The following TMEM182 variants were observed in gnomAD, a reference collection of about 807,000 sequenced individuals.
TMEM182 encodes transmembrane protein 182.
Under a neutral mutation model 26.8 loss-of-function variants are expected in TMEM182, and 20 were observed. The observed-to-expected ratio is 0.75, with a 90% confidence interval of 0.53 to 1.09. The LOEUF (loss-of-function observed/expected upper bound fraction) is 1.09, where lower values mean the gene tolerates loss of function less well. Among genes scored for constraint, TMEM182 ranks in the 50% least tolerant of loss-of-function variants. The pLI is 0.00. For synonymous variants in TMEM182, 109 were observed against 102.2 expected, an observed-to-expected ratio of 1.07 and a Z score of -0.40; for missense variants, 277 against 275.5, an observed-to-expected ratio of 1.01 and a Z score of -0.04.
downstream of TMEM182, among the ~76,000 whole-genome samples, chr2:102,819,890 A>G (rs55994139): frequency 0.069 from 10,499 of 152,266 alleles, 537 homozygotes; most frequent in Non-Finnish European, 0.092. Flanking sequence ...CCTTGGATCC[A>G]GAGCATATGT....
intron 1 of TMEM182, among the ~76,000 whole-genome samples, chr2:102,740,508 G>A (rs935316697): frequency 1.3e-5 from 2 of 152,176 alleles, no homozygotes; most frequent in African/African-American, 2.4e-5. Flanking sequence ...GCTGAACTGT[G>A]AGTCAATTAA....
intron 3 of TMEM182, among the ~76,000 whole-genome samples, chr2:102,792,089 A>G (rs575411574): frequency 2.0e-5 from 3 of 151,244 alleles, no homozygotes; most frequent in Non-Finnish European, 3.0e-5. Context: ...GCCTCTAAGG[A>G]CAGTCTTTCA....
chr2:102,756,118 G>A (rs934230377), intron 1 of TMEM182, among the ~76,000 whole-genome samples: 1 of 152,212 alleles, frequency 6.6e-6, no homozygotes, highest in African/African-American at 2.4e-5. Context: ...GAGGAAGGAT[G>A]ATGTGTGTGT....
At chr2:102,813,788 T>G (rs1374947193) in intron 4 of TMEM182, among the ~76,000 whole-genome samples, 2 of 152,204 alleles carry the variant, frequency 1.3e-5, no homozygotes, top group African/African-American at 2.4e-5. Flanking sequence ...ATACTTCATC[T>G]AATTCCAAGA....
chr2:102,736,952 G>T, exon 1 of TMEM182: 1 of 1,025,988 alleles, frequency 9.7e-7, no homozygotes, highest in Non-Finnish European at 1.4e-6. Flanking sequence ...CGGGTGCGTG[G>T]CCGGTGCTGG....
At position 102,762,145 on chromosome 2, in the gene TMEM182, G is replaced by C; in HGVS notation, c.-73G>C. On this transcript the variant is annotated 5_prime_UTR_variant, in exon 1 of 5. Coordinates refer to ENST00000412401, the MANE Select transcript of TMEM182 (RefSeq NM_144632.5). ...TTCTTTTTTTTTTTTTTTTGCTGTT[G>C]TTTCTGAGAAACTAGGTGTCTTACC... 1.5e-6 allele frequency: 1 copy of C among 682,470 alleles called. No homozygotes were observed. The highest frequency in any genetic ancestry group is 2.3e-6 in the Non-Finnish European group (1 of 441,010). The allele number at this position is 682,470 out of a possible 1,614,324, so 42.3% of individuals were successfully genotyped here.
At chr2:102,841,730 A>G (rs1683355275) in intron 3 of TMEM182, among the ~76,000 whole-genome samples, 1 of 152,222 alleles carries the variant, frequency 6.6e-6, no homozygotes, top group Admixed American at 6.5e-5. Context: ...CAATAGCTAT[A>G]TCAATTTTTG....
At chr2:102,766,776 A>G (rs902093682) in intron 3 of TMEM182, among the ~76,000 whole-genome samples, 7 of 152,208 alleles carry the variant, frequency 4.6e-5, no homozygotes, top group Admixed American at 4.6e-4. Context: ...TGAAAGTATC[A>G]TTTATAAATT....
intron 3 of TMEM182, among the ~76,000 whole-genome samples, chr2:102,828,831 G>A (rs1034519701): frequency 7.9e-5 from 12 of 152,116 alleles, no homozygotes; most frequent in African/African-American, 2.9e-4. Flanking sequence ...TGCCTTAGAA[G>A]CAACTGGAAA....
intron 3 of TMEM182, among the ~76,000 whole-genome samples, chr2:102,776,195 C>G (rs979891816): frequency 2.0e-5 from 3 of 152,110 alleles, no homozygotes; most frequent in Admixed American, 6.6e-5. Context: ...TTATTATTAA[C>G]TAAAGTCAGG....
intron 3 of TMEM182, among the ~76,000 whole-genome samples, chr2:102,773,217 A>G (rs1407155595): frequency 1.3e-5 from 2 of 152,088 alleles, no homozygotes; most frequent in African/African-American, 4.8e-5. Context: ...AAAAAGGATA[A>G]AAGTTCCTGC....
chr2:102,754,895 C>T (rs1286151971), intron 1 of TMEM182, among the ~76,000 whole-genome samples: 1 of 152,208 alleles, frequency 6.6e-6, no homozygotes, highest in Admixed American at 6.5e-5. Flanking sequence ...TGAATCAAAG[C>T]AGGCAAAGCC....
chr2:102,738,436 T>C (rs551834739), intron 1 of TMEM182, among the ~76,000 whole-genome samples: 1 of 152,086 alleles, frequency 6.6e-6, no homozygotes, highest in South Asian at 2.1e-4. Flanking sequence ...CTACTAAAAA[T>C]ACAAAAAATT....
chr2:102,798,848 AAAT>A (rs772278753), intron 4 of TMEM182, among the ~76,000 whole-genome samples: 2 of 152,188 alleles, frequency 1.3e-5, no homozygotes, highest in South Asian at 4.1e-4. Context: ...TAAAAAAAAA[AAAT>A]AATTAATTAA....
chr2:102,743,375 G>A lies in TMEM182; in HGVS notation c.-83+6362G>A, dbSNP rs552027024. 2.0e-5 allele frequency among the ~76,000 whole-genome samples: 3 copies of A among 152,260 alleles called. No individual in the cohort carries two copies. In the South Asian group the frequency reaches 6.2e-4, roughly 32 times the overall value. On this transcript the variant is annotated intron_variant, in intron 1 of 5. Coordinates refer to the TMEM182 transcript ENST00000409173. ...GGGCCAGGCATAGTGGCACATGCCT[G>A]TAGTCCCAGCTACTCGGGAGGCAGA... is the stretch of plus-strand genomic sequence containing the variant.
At chr2:102,820,860 G>A (rs1682903839), downstream of TMEM182, among the ~76,000 whole-genome samples, 1 of 152,192 alleles carries the variant, frequency 6.6e-6, no homozygotes, top group Non-Finnish European at 1.5e-5. Context: ...GTTGAGGACA[G>A]GGAAGAAGCA....
At chr2:102,760,069 T>A (rs1300550875), upstream of TMEM182, among the ~76,000 whole-genome samples, 1 of 152,136 alleles carries the variant, frequency 6.6e-6, no homozygotes, top group Admixed American at 6.6e-5. Flanking sequence ...AGCATCCAGG[T>A]AAGAACGGCT....
chr2:102,789,344 A>G (rs958721250), intron 3 of TMEM182, among the ~76,000 whole-genome samples: 4 of 152,238 alleles, frequency 2.6e-5, no homozygotes, highest in African/African-American at 9.6e-5. Flanking sequence ...AAACACTACA[A>G]ATTTGGAATT....
intron 3 of TMEM182, among the ~76,000 whole-genome samples, chr2:102,765,364 C>G (rs1199983064): frequency 6.6e-6 from 1 of 152,164 alleles, no homozygotes; most frequent in African/African-American, 2.4e-5. Context: ...TCTTTTTCCT[C>G]AGGACACCTG....
Sources: allele counts gnomAD v4.1 joint callset (sites outside exome capture counted in the v4.1 genomes callset), GRCh38; gene constraint gnomAD v4.1.1; transcripts MANE v1.5; gene names NCBI Gene and HGNC (gene_info 2026-07-23, HGNC 2026-07-21).